Variants in HDAC9 observed in about 807,000 individuals in gnomAD.
HDAC9 encodes histone deacetylase 9.
A neutral mutation model predicts 139.4 loss-of-function variants in HDAC9; 41 were observed. That is an observed-to-expected ratio of 0.29 (90% confidence interval 0.23 to 0.38). HDAC9 has a LOEUF of 0.38. Ranked by LOEUF, HDAC9 falls within the 10% of genes least tolerant of loss-of-function variation. HDAC9 has a pLI of 1.00. For missense variants in HDAC9, 1,147 were observed against 1,297.0 expected, an observed-to-expected ratio of 0.88 and a Z score of 1.78; for synonymous variants, 517 against 476.2, an observed-to-expected ratio of 1.09 and a Z score of -1.12.
At chr7:18,680,438 A>G (rs940234517) in intron 12 of HDAC9, among the ~76,000 whole-genome samples, 3 of 151,996 alleles carry the variant, frequency 2.0e-5, no homozygotes, top group African/African-American at 7.2e-5. Context: ...ATATTAGCTG[A>G]AGTTAGTGTT....
At chr7:18,353,793 A>G (rs1390346564) in intron 1 of HDAC9, among the ~76,000 whole-genome samples, 2 of 152,214 alleles carry the variant, frequency 1.3e-5, no homozygotes, top group East Asian at 3.8e-4. Context: ...CAGGTACACA[A>G]CTTTTTAAAA....
At chr7:18,671,356 G>C (rs1795667423) in intron 12 of HDAC9, among the ~76,000 whole-genome samples, 2 of 152,022 alleles carry the variant, frequency 1.3e-5, no homozygotes, top group East Asian at 3.9e-4. Context: ...GTTCTGACTG[G>C]TTGCTCAGTC....
chr7:18,475,078 C>G (rs1795012856), intron 1 of HDAC9, among the ~76,000 whole-genome samples: 1 of 152,174 alleles, frequency 6.6e-6, no homozygotes, highest in Admixed American at 6.5e-5. Flanking sequence ...AGGCTTCAAG[C>G]AAGGCCTGCT....
intron 1 of HDAC9, among the ~76,000 whole-genome samples, chr7:18,137,965 T>C (rs1325673022): frequency 6.6e-6 from 1 of 151,828 alleles, no homozygotes; most frequent in African/African-American, 2.4e-5. Context: ...AGCTATTGAT[T>C]ATTGCCACAA....
intron 1 of HDAC9, among the ~76,000 whole-genome samples, chr7:18,427,792 C>CTG (rs1790263593): frequency 1.3e-5 from 2 of 151,126 alleles, no homozygotes; most frequent in Non-Finnish European, 2.9e-5. Context: ...ATGTATAATA[C>CTG]TGTATTGTTA....
intron 22 of HDAC9, among the ~76,000 whole-genome samples, chr7:18,897,211 G>A (rs954936501): frequency 6.6e-6 from 1 of 151,848 alleles, no homozygotes; most frequent in Non-Finnish European, 1.5e-5. Context: ...TAGCTTTACT[G>A]ACATTTTTCT....
intron 25 of HDAC9, among the ~76,000 whole-genome samples, chr7:18,980,122 A>G (rs890813193): frequency 6.6e-6 from 1 of 152,072 alleles, no homozygotes; most frequent in Non-Finnish European, 1.5e-5. Context: ...TCCTCTTCCC[A>G]GGGCCATCAT....
chr7:18,676,022 T>A (rs1781482226), intron 12 of HDAC9, among the ~76,000 whole-genome samples: 1 of 152,024 alleles, frequency 6.6e-6, no homozygotes, highest in South Asian at 2.1e-4. Context: ...ATTAAGAATA[T>A]GTGTTGATCA....
intron 1 of HDAC9, among the ~76,000 whole-genome samples, chr7:18,095,629 A>C (rs542156611): frequency 6.6e-6 from 1 of 152,358 alleles, no homozygotes. Flanking sequence ...AGGTCTGTAC[A>C]GTATGAGTGT....
intron 13 of HDAC9, among the ~76,000 whole-genome samples, chr7:18,728,841 A>T (rs186242598): frequency 1.3e-5 from 2 of 152,342 alleles, no homozygotes; most frequent in East Asian, 1.9e-4. Context: ...TTTGGTAGGC[A>T]TCTTTAATAA....
At position 18,740,230 on chromosome 7, in the gene HDAC9, G is replaced by A. The variant is rs536308508; in HGVS notation, c.1910-8775G>A. Among the ~76,000 whole-genome samples, 436 of 152,286 alleles carry A rather than the reference G, an allele frequency of 2.9e-3. 2 individuals carry two copies. The highest frequency in any genetic ancestry group is 4.0e-3 in the Non-Finnish European group (273 of 68,026). On this transcript the variant is annotated intron_variant, in intron 13 of 25. Coordinates refer to ENST00000686413, the MANE Select transcript of HDAC9 (RefSeq NM_178425.4). ...CCCCAACCCCTTGTGCTTCCTGGGT[G>A]AGGTGATGCCCTGCCCTGCTTCAGC...
At chr7:18,484,320 G>A (rs1029000363) in intron 1 of HDAC9, among the ~76,000 whole-genome samples, 1 of 150,816 alleles carries the variant, frequency 6.6e-6, no homozygotes, top group Non-Finnish European at 1.5e-5. Context: ...GGGTGACAGA[G>A]CAAGATCCTA....
At chr7:18,407,891 C>A (rs890358498) in intron 1 of HDAC9, among the ~76,000 whole-genome samples, 1 of 152,006 alleles carries the variant, frequency 6.6e-6, no homozygotes, top group African/African-American at 2.4e-5. Context: ...AAGATTTGAT[C>A]CTAAATTATT....
intron 12 of HDAC9, chr7:18,668,122 A>G: frequency 1.1e-6 from 1 of 877,452 alleles, no homozygotes; most frequent in Non-Finnish European, 1.4e-6. Flanking sequence ...TATTTCTTTA[A>G]AAATGTTACT....
intron 2 of HDAC9, among the ~76,000 whole-genome samples, chr7:18,517,013 A>G (rs1009842913): frequency 8.5e-5 from 13 of 152,166 alleles, no homozygotes; most frequent in African/African-American, 3.1e-4. Context: ...TCTGGCAACA[A>G]CAACAACCAC....
intron 24 of HDAC9, among the ~76,000 whole-genome samples, chr7:18,971,201 A>G (rs989007341): frequency 2.6e-5 from 4 of 152,234 alleles, no homozygotes; most frequent in African/African-American, 7.2e-5. Context: ...AAAAACAAAA[A>G]CACAGAATGG....
intron 1 of HDAC9, among the ~76,000 whole-genome samples, chr7:18,133,564 A>G (rs926211222): frequency 6.6e-6 from 1 of 152,134 alleles, no homozygotes; most frequent in African/African-American, 2.4e-5. Context: ...TTTTGCAATT[A>G]TAGGATGCAC....
chr7:18,753,489 A>AC (rs1160947822), intron 14 of HDAC9, among the ~76,000 whole-genome samples: 3 of 152,106 alleles, frequency 2.0e-5, no homozygotes, highest in Admixed American at 6.6e-5. Context: ...AGGACAAAAA[A>AC]TAAGGAATCT....
intron 24 of HDAC9, 37 bp downstream of exon 24, chr7:18,954,267 G>C: frequency 8.2e-7 from 1 of 1,222,362 alleles, no homozygotes; most frequent in Non-Finnish European, 1.2e-6. Flanking sequence ...TTCTAAGCAG[G>C]TAAAACTAAC....
Sources: gnomAD v4.1 joint callset for allele counts (sites outside exome capture counted in the v4.1 genomes callset) on GRCh38, gnomAD v4.1.1 for gene constraint, MANE v1.5 for transcripts, NCBI Gene and HGNC (gene_info 2026-07-23, HGNC 2026-07-21) for gene names.